MEIKIN: variants seen among roughly 807,000 people sequenced by gnomAD.
MEIKIN encodes the protein meiotic kinetochore factor.
chr5:131,854,928 T>C lies in MEIKIN; in HGVS notation c.775-94A>G, dbSNP rs984240947. On this transcript the variant is annotated intron_variant, in intron 9 of 12. Transcript: ENST00000442687. ...TACAATTTCAAGTTAGTTGACCAGA[T>C]CATAATGTACAGTACTAAGAAAATC... The C allele has an allele frequency of 1.7e-4, 65 of 388,002 alleles. No homozygotes were observed. In the East Asian group the frequency reaches 2.4e-3, roughly 14 times the overall value. The allele number at this position is 388,002 out of a possible 1,614,324, so 24.0% of individuals were successfully genotyped here. A position where few individuals can be genotyped will look rare whatever the true frequency, so the allele number is the denominator to read the frequency against.
rs189668416 is a variant in MEIKIN, at chr5:131,916,812, A to T, written c.638+74T>A. The T allele has an allele frequency of 2.2e-3, 882 of 393,832 alleles. 9 individuals carry two copies. The highest frequency in any genetic ancestry group is 0.017 in the African/African-American group (809 of 48,648). The allele number at this position is 393,832 out of a possible 1,614,324, so 24.4% of individuals were successfully genotyped here. A position where few individuals can be genotyped will look rare whatever the true frequency, so the allele number is the denominator to read the frequency against. On this transcript the variant is annotated intron_variant, in intron 7 of 12. Coordinates refer to ENST00000442687, the MANE Select transcript of MEIKIN (RefSeq NM_001303622.2). ...TGAACACCTGAGTTTGTGGACTAAC[A>T]ATCATATTTGCTATATAACTATTAT...
In MEIKIN at chr5:131,898,852, A is replaced by G. The variant is rs182477880; in HGVS notation, c.703+12963T>C. ...CTGTCATGGCTTCCCTTGGCTAGGAAAGGGAAATCCCCTGACCCCTTGCAC... is the reference window on the plus strand; with the variant it reads ...CTGTCATGGCTTCCCTTGGCTAGGAGAGGGAAATCCCCTGACCCCTTGCAC... On this transcript the variant is annotated intron_variant, in intron 8 of 12. Coordinates refer to ENST00000442687, the MANE Select transcript of MEIKIN (RefSeq NM_001303622.2). Among the ~76,000 whole-genome samples, 59 of 152,320 alleles carry G rather than the reference A, an allele frequency of 3.9e-4. 1 individual carries two copies. The highest frequency in any genetic ancestry group is 1.4e-3 in the African/African-American group (58 of 41,568).
chr5:131,943,346 TA>T (rs1751906381), intron 3 of MEIKIN, among the ~76,000 whole-genome samples: 1 of 152,094 alleles, frequency 6.6e-6, no homozygotes. Context: ...TCAACATGAA[TA>T]AAAAAACTTG....
chr5:131,944,833 A>C (rs1198688547), intron 2 of MEIKIN, 81 bp from the exon 3 acceptor site: 2 of 398,822 alleles, frequency 5.0e-6, no homozygotes, highest in Non-Finnish European at 8.8e-6. Flanking sequence ...TAGAATCTGA[A>C]AGGCTCTTTA....
chr5:131,882,085 T>G (rs769336936), intron 8 of MEIKIN, among the ~76,000 whole-genome samples: 1 of 152,200 alleles, frequency 6.6e-6, no homozygotes, highest in South Asian at 2.1e-4. Context: ...TTTTTTCTCT[T>G]ACCTAATATC....
chr5:131,899,404 C>A lies in MEIKIN; in HGVS notation c.703+12411G>T, dbSNP rs368794059. Among the ~76,000 whole-genome samples, 472 of 151,506 alleles carry A rather than the reference C, an allele frequency of 3.1e-3. 1 individual carries two copies. The highest frequency in any genetic ancestry group is 0.011 in the African/African-American group (451 of 41,386). On this transcript the variant is annotated intron_variant, in intron 8 of 12. Coordinates refer to ENST00000442687, the MANE Select transcript of MEIKIN (RefSeq NM_001303622.2). ...TAAATCACCTTCATTAATAGGAACA[C>A]AAAAAGGAAAGAAAGAAGGCCACAA... is the stretch of plus-strand genomic sequence containing the variant.
At chr5:131,861,537 G>C (rs956444472) in intron 9 of MEIKIN, among the ~76,000 whole-genome samples, 2 of 152,174 alleles carry the variant, frequency 1.3e-5, no homozygotes. Flanking sequence ...CTTGTTCTTA[G>C]AGGAAAGGCT....
At chr5:131,819,452 C>CGG (rs1410990727) in intron 11 of MEIKIN, among the ~76,000 whole-genome samples, 1 of 87,622 alleles carries the variant, frequency 1.1e-5, no homozygotes, top group Non-Finnish European at 2.1e-5. Context: ...GGAGGAGGGA[C>CGG]AGGGGGAGGG....
At chr5:131,937,424 G>A (rs1389282707) in intron 4 of MEIKIN, among the ~76,000 whole-genome samples, 1 of 152,112 alleles carries the variant, frequency 6.6e-6, no homozygotes, top group East Asian at 1.9e-4. Context: ...ATGGTAGCAA[G>A]TTTAAACCAT....
At chr5:131,901,235 T>C (rs1349557269) in intron 8 of MEIKIN, among the ~76,000 whole-genome samples, 2 of 152,088 alleles carry the variant, frequency 1.3e-5, no homozygotes, top group East Asian at 1.9e-4. Context: ...GACACTGCCA[T>C]TGGCACAAAA....
chr5:131,850,950 A>C (rs975173636), intron 11 of MEIKIN, among the ~76,000 whole-genome samples: 5 of 152,144 alleles, frequency 3.3e-5, no homozygotes, highest in Admixed American at 6.5e-5. Flanking sequence ...TCTGTCAAAA[A>C]AAAAGAAAGA....
chr5:131,870,533 C>T (rs1376184739), intron 9 of MEIKIN, among the ~76,000 whole-genome samples: 1 of 152,166 alleles, frequency 6.6e-6, no homozygotes. Flanking sequence ...TACAGTACAT[C>T]TGTTCCCCTG....
chr5:131,916,799 T>G (rs1010755970), intron 7 of MEIKIN, 87 bp downstream of exon 7: 1 of 391,368 alleles, frequency 2.6e-6, no homozygotes. Context: ...AACACCTGAG[T>G]TTGTGGACTA....
intron 11 of MEIKIN, among the ~76,000 whole-genome samples, chr5:131,820,629 TCAGTAGCAAAGCCATGAGGTC>T: frequency 6.6e-6 from 1 of 152,226 alleles, no homozygotes; most frequent in Non-Finnish European, 1.5e-5. Context: ...TTGGTAGAAT[TCAGTAGCAAAGCCATGAGGTC>T]CTGCGCTTTT....
intron 12 of MEIKIN, among the ~76,000 whole-genome samples, chr5:131,812,760 C>T (rs931370118): frequency 6.6e-6 from 1 of 152,200 alleles, no homozygotes; most frequent in Non-Finnish European, 1.5e-5. Flanking sequence ...TCCAACGGTG[C>T]TTGTAGTGTT....
intron 12 of MEIKIN, among the ~76,000 whole-genome samples, chr5:131,818,530 C>T (rs1489426055): frequency 6.6e-6 from 1 of 152,124 alleles, no homozygotes; most frequent in East Asian, 1.9e-4. Flanking sequence ...TACTGATCCT[C>T]CTGCCTGAGC....
At position 131,885,425 on chromosome 5, in the gene MEIKIN, T is replaced by C. The variant is rs79760279; in HGVS notation, c.704-6377A>G. Among the ~76,000 whole-genome samples the C allele has an allele frequency of 5.0e-5, 2 of 39,792 alleles. 1 individual carries two copies. The highest frequency in any genetic ancestry group is 1.2e-4 in the Non-Finnish European group (2 of 17,090). 26.1% of individuals were successfully genotyped at this position (39,792 alleles called of 152,430 possible). On this transcript the variant is annotated intron_variant, in intron 8 of 12. Coordinates refer to ENST00000442687, the MANE Select transcript of MEIKIN (RefSeq NM_001303622.2). ...AGAGAGAGAGAGAGAGAGAGAGAGA[T>C]TGAGATTGATTCTGTTTGTATGGGA...
At chr5:131,832,918 G>A (rs1469810019) in intron 11 of MEIKIN, among the ~76,000 whole-genome samples, 3 of 152,314 alleles carry the variant, frequency 2.0e-5, no homozygotes, top group African/African-American at 7.2e-5. Context: ...TTTCCTCCTA[G>A]GCCTCCAGGC....
intron 7 of MEIKIN, 110 bp downstream of exon 7, chr5:131,916,776 C>T (rs1321495872): frequency 1.0e-5 from 4 of 385,694 alleles, no homozygotes; most frequent in African/African-American, 8.3e-5. Context: ...GAGTCCTCAA[C>T]AAATAATAAA....
Sources: gnomAD v4.1 joint callset for allele counts (sites outside exome capture counted in the v4.1 genomes callset) on GRCh38, gnomAD v4.1.1 for gene constraint, MANE v1.5 for transcripts, NCBI Gene and HGNC (gene_info 2026-07-23, HGNC 2026-07-21) for gene names.